Variants in TMEM63B observed in about 807,000 individuals in gnomAD.
TMEM63B encodes the protein mechanosensitive cation channel TMEM63B.
Under a neutral mutation model 102.6 loss-of-function variants are expected in TMEM63B, and 23 were observed. The ratio of observed to expected loss-of-function variants is 0.22; its 90% confidence interval spans 0.16 to 0.32. The LOEUF (loss-of-function observed/expected upper bound fraction) is 0.32, where lower values mean the gene tolerates loss of function less well. Ranked by LOEUF, TMEM63B falls within the 10% of genes least tolerant of loss-of-function variation. The probability of loss-of-function intolerance (pLI) is 1.00; values close to 1 mark genes in which losing one functional copy is unlikely to be tolerated. For synonymous variants in TMEM63B, 444 were observed against 437.0 expected (o/e 1.02, Z -0.20); for missense variants, 628 against 1,095.9 (o/e 0.57, Z 6.03).
chr6:44,137,916 T>C (rs1763319425), intron 5 of TMEM63B, among the ~76,000 whole-genome samples: 1 of 152,092 alleles, frequency 6.6e-6, no homozygotes, highest in African/African-American at 2.4e-5. Flanking sequence ...GCCAGGCTGA[T>C]CTCGAACTCC....
At chr6:44,138,738 C>CCCCCCCCCCT in intron 6 of TMEM63B, 1 of 398,116 alleles carries the variant, frequency 2.5e-6, no homozygotes. Flanking sequence ...CCCTGCCGGC[C>CCCCCCCCCCT]CCCCCGCTTC....
In TMEM63B at chr6:44,150,704, A is replaced by G; in HGVS notation, c.1673+75A>G. 1 of 1,469,736 alleles carries G rather than the reference A, an allele frequency of 6.8e-7. No individual in the cohort carries two copies. 91.0% of individuals were successfully genotyped at this position (1,469,736 alleles called of 1,614,324 possible). A position where few individuals can be genotyped will look rare whatever the true frequency, so the allele number is the denominator to read the frequency against. On this transcript the variant is annotated intron_variant, in intron 18 of 23. Transcript: ENST00000323267. This position sits in a 1 kb window ranked among gnomAD's most constrained non-coding sequence, Gnocchi z 4.7. ...ATGCTTGAGAGACATTGCCAGCCCC[A>G]TGGGAGGGTGCAACAAAGCTTCCAA...
chr6:44,138,020 C>T (rs902664892), intron 5 of TMEM63B, among the ~76,000 whole-genome samples: 1 of 152,298 alleles, frequency 6.6e-6, no homozygotes, highest in East Asian at 1.9e-4. Context: ...AGATACCTTG[C>T]AGCTCATAGT....
intron 1 of TMEM63B, among the ~76,000 whole-genome samples, chr6:44,128,760 G>C (rs1280831000): frequency 6.6e-6 from 1 of 152,242 alleles, no homozygotes; most frequent in Non-Finnish European, 1.5e-5. Flanking sequence ...GGTGAGGTGG[G>C]GAGTGGGAGT....
At chr6:44,132,318 G>C in intron 1 of TMEM63B, 1 of 985,448 alleles carries the variant, frequency 1.0e-6, no homozygotes, top group Non-Finnish European at 1.2e-6. Flanking sequence ...CATCTAGCTA[G>C]ATCCTGTCCA....
At chr6:44,135,300 G>A in intron 3 of TMEM63B, 28 bp from the exon 4 acceptor site, 1 of 1,609,220 alleles carries the variant, frequency 6.2e-7, no homozygotes, top group South Asian at 1.1e-5. Context: ...CCCCGCCCCT[G>A]CTAACCCTGT....
At chr6:44,144,644 T>A (rs1764972420) in intron 10 of TMEM63B, among the ~76,000 whole-genome samples, 1 of 151,964 alleles carries the variant, frequency 6.6e-6, no homozygotes, top group African/African-American at 2.4e-5. Context: ...GCTGGAGTGC[T>A]GCAATACAGG....
At position 44,137,777 on chromosome 6, in the gene TMEM63B, C is replaced by A. The variant is rs555614899; in HGVS notation, c.370-703C>A. Among the ~76,000 whole-genome samples, 9 of 151,960 alleles carry A rather than the reference C, an allele frequency of 5.9e-5. No homozygotes were observed. The East Asian group carries it at 1.5e-3, about 26-fold the overall frequency. ...GCAGTGGTGTGATCTCAGCTCACTG[C>A]AACCTCCGCCTCCTGGGTTCAAGCA... On this transcript the variant is annotated intron_variant, in intron 5 of 23. Coordinates refer to ENST00000323267, the MANE Select transcript of TMEM63B (RefSeq NM_018426.3).
Position 44,155,146 on chromosome 6 carries a change from C to G in TMEM63B, c.*263C>G, listed in dbSNP as rs1384233198. Reference sequence around the variant, plus strand: ...TTCCCCCAGATCAGTACCCCCCACCCCTCCCCAGCTAGTAGCATGACCAGG... The same window carrying G: ...TTCCCCCAGATCAGTACCCCCCACCGCTCCCCAGCTAGTAGCATGACCAGG... On this transcript the variant is annotated 3_prime_UTR_variant, in exon 24 of 24. Transcript: ENST00000323267. The G allele has an allele frequency of 1.3e-4, 38 of 297,350 alleles. 1 individual carries two copies. The East Asian group carries it at 2.1e-3, about 16-fold the overall frequency. The allele number at this position is 297,350 out of a possible 1,614,324, so 18.4% of individuals were successfully genotyped here.
Position 44,148,653 on chromosome 6 carries a change from G to A in TMEM63B, c.1259+3G>A, listed in dbSNP as rs772927146. On this transcript the variant is annotated splice_donor_region_variant and intron_variant, in intron 14 of 23. Transcript: ENST00000323267. The surrounding 1 kb of genome is among the most constrained non-coding windows in gnomAD (Gnocchi z 5.1). ...CCTGACCCTCAGAACATCTACTGGT[G>A]AGCAAACAGGTGTCAGGGCAGGCTT... The A allele has an allele frequency of 1.2e-6, 2 of 1,613,764 alleles. No individual in the cohort carries two copies. Among genetic ancestry groups the A allele is most frequent in the Non-Finnish European group, 1.7e-6 (2 of 1,179,712 alleles).
In TMEM63B at chr6:44,139,382, G is replaced by A; in HGVS notation, c.408-85G>A. ...GCTGGAGCTAGGGTGGGTTTGGGGT[G>A]GGAGTGGGTGAGGGCAGGCAAGTTG... On this transcript the variant is annotated intron_variant, in intron 6 of 23. Coordinates refer to ENST00000323267, the MANE Select transcript of TMEM63B (RefSeq NM_018426.3). 4 of 1,548,470 alleles carry A rather than the reference G, an allele frequency of 2.6e-6. No individual in the cohort carries two copies. The South Asian group carries it at 4.8e-5, about 18-fold the overall frequency.
At chr6:44,146,804 G>T in intron 10 of TMEM63B, 43 bp from the exon 11 acceptor site, 1 of 1,589,928 alleles carries the variant, frequency 6.3e-7, no homozygotes, top group South Asian at 1.1e-5. Context: ...AGGGGCAGGT[G>T]GGTGGGGTCC....
At chr6:44,128,586 TGG>T (rs1475685115) in intron 1 of TMEM63B, among the ~76,000 whole-genome samples, 2 of 152,260 alleles carry the variant, frequency 1.3e-5, no homozygotes, top group Non-Finnish European at 2.9e-5. Context: ...GCCCCCTGCC[TGG>T]GTCCCCTGGG....
At position 44,155,096 on chromosome 6, in the gene TMEM63B, G is replaced by A. The variant is rs1054844244; in HGVS notation, c.*213G>A. On this transcript the variant is annotated 3_prime_UTR_variant, in exon 24 of 24. Coordinates refer to ENST00000323267, the MANE Select transcript of TMEM63B (RefSeq NM_018426.3). ...GTGAGGAGAGCCCCGAGCCGGCCCC[G>A]GGGCAAAGAGGGGTGCAGAGGGAGT... 1.7e-5 allele frequency: 7 copies of A among 423,132 alleles called. No individual in the cohort carries two copies. Among genetic ancestry groups the A allele is most frequent in the Non-Finnish European group, 2.5e-5 (6 of 241,304 alleles). 26.2% of individuals were successfully genotyped at this position (423,132 alleles called of 1,614,324 possible).
chr6:44,149,391 G>A (rs577005906), intron 15 of TMEM63B: 5 of 306,586 alleles, frequency 1.6e-5, no homozygotes, highest in African/African-American at 6.4e-5. Flanking sequence ...CTCCTCCCAC[G>A]CATAGAGCAT....
intron 1 of TMEM63B, among the ~76,000 whole-genome samples, chr6:44,133,147 C>T (rs1283644288): frequency 2.0e-5 from 3 of 152,174 alleles, no homozygotes; most frequent in Admixed American, 6.5e-5. Context: ...TTAAAGGCAG[C>T]TTGGACTGGA....
chr6:44,129,089 C>T (rs751927685), intron 1 of TMEM63B, among the ~76,000 whole-genome samples: 10 of 152,200 alleles, frequency 6.6e-5, no homozygotes, highest in Admixed American at 2.0e-4. Context: ...CCTCAGTTTT[C>T]ATTAAAAAGT....
rs201285466 is a variant in TMEM63B at position 44,139,778 on chromosome 6, C to T, written c.602+19C>T. 5.6e-5 allele frequency: 90 copies of T among 1,614,084 alleles called. 1 individual carries two copies. The Middle Eastern group carries it at 2.6e-3, about 47-fold the overall frequency. Reference sequence around the variant, plus strand: ...AATCAGGGTAAGATGCGAAGCTGGTCGGCCAGGCCAAGGTCTACGACCAGA... The same window carrying T: ...AATCAGGGTAAGATGCGAAGCTGGTTGGCCAGGCCAAGGTCTACGACCAGA... On this transcript the variant is annotated intron_variant, in intron 8 of 23. Coordinates refer to ENST00000323267, the MANE Select transcript of TMEM63B (RefSeq NM_018426.3).
rs139707037 is a variant in TMEM63B, at chr6:44,135,364, A to G, written c.276A>G (p.Glu92=). The G allele has an allele frequency of 6.2e-7, 1 of 1,612,248 alleles. No homozygotes were observed. The highest frequency in any genetic ancestry group is 8.5e-7 in the Non-Finnish European group (1 of 1,178,880). The change falls in exon 4 of 24, where the codon GAA becomes GAG. Residue 92 remains glutamate, a splice_region_variant and synonymous_variant. Transcript: ENST00000323267. ...AGGAGAGGGACCGAGTGGAACAGGA[A>G]TAGTATGTGGGGCACCAGCCCCCTC... The part of the protein sequence containing the change: ...RRQERDRVEQ[E]YVASAMHGDS...
Sources: allele counts gnomAD v4.1 joint callset (sites outside exome capture counted in the v4.1 genomes callset), GRCh38; gene constraint gnomAD v4.1.1; non-coding constraint Gnocchi (gnomAD v3.1); transcripts MANE v1.5; gene names NCBI Gene and HGNC (gene_info 2026-07-23, HGNC 2026-07-21).